FAM222A: variants seen among roughly 807,000 people sequenced by gnomAD.
FAM222A encodes family with sequence similarity 222 member A, also known as protein FAM222A.
In FAM222A, 7 loss-of-function variants were observed where a neutral mutation model predicts 25.8. The ratio of observed to expected loss-of-function variants is 0.27; its 90% CI spans 0.15 to 0.51. The LOEUF (loss-of-function observed/expected upper bound fraction) is 0.51, where lower values mean the gene tolerates loss of function less well. Among genes scored for constraint, FAM222A ranks in the 20% least tolerant of loss-of-function variants. FAM222A has a pLI of 0.97. For missense variants in FAM222A, 573 were observed against 640.5 expected (o/e 0.89, Z 1.14); for synonymous variants, 294 against 298.8 (o/e 0.98, Z 0.17).
At chr12:109,744,026 A>C (rs958873707) in intron 1 of FAM222A, 75 bp from the exon 2 acceptor site, 33 of 1,442,364 alleles carry the variant, frequency 2.3e-5, no homozygotes, top group African/African-American at 4.3e-5. Context: ...TTGCAGGGAG[A>C]CTCCCGGGGG....
intron 2 of FAM222A, among the ~76,000 whole-genome samples, chr12:109,759,971 G>C (rs734152): frequency 0.16 from 23,659 of 152,220 alleles, 2,033 homozygotes; most frequent in East Asian, 0.31. Context: ...GGTCCTACGA[G>C]GGCACGTCAG....
chr12:109,736,583 C>T (rs919326403), intron 1 of FAM222A, among the ~76,000 whole-genome samples: 2 of 152,198 alleles, frequency 1.3e-5, no homozygotes, highest in African/African-American at 4.8e-5. Flanking sequence ...ATGGCCACCG[C>T]TTGTCTCCCT....
At chr12:109,722,860 A>G (rs1455021309) in intron 1 of FAM222A, 2 of 152,226 alleles carry the variant, frequency 1.3e-5, no homozygotes, top group Non-Finnish European at 2.9e-5. Flanking sequence ...AGTTCACAGC[A>G]GTGGCGCTTT....
chr12:109,754,384 AAAG>A (rs1888650586), intron 2 of FAM222A, among the ~76,000 whole-genome samples: 1 of 152,234 alleles, frequency 6.6e-6, no homozygotes, highest in Admixed American at 6.5e-5. Flanking sequence ...AAGAAAAAAA[AAAG>A]AAAACCCAAG....
chr12:109,720,163 C>T, intron 1 of FAM222A: 3 of 985,464 alleles, frequency 3.0e-6, no homozygotes, highest in Non-Finnish European at 3.6e-6. Flanking sequence ...AGCAAGCCAG[C>T]ATCCCAGCCG....
chr12:109,767,083 T>TC (rs1889075180), intron 2 of FAM222A, among the ~76,000 whole-genome samples: 1 of 148,278 alleles, frequency 6.7e-6, no homozygotes, highest in Non-Finnish European at 1.5e-5. Context: ...TTTTTTTTTT[T>TC]TTTCTTATAA....
intron 1 of FAM222A, among the ~76,000 whole-genome samples, chr12:109,726,522 C>T (rs1183197170): frequency 6.6e-6 from 1 of 152,216 alleles, no homozygotes. Context: ...GCACCCACCC[C>T]GGGCAGCCAT....
At chr12:109,731,947 C>G (rs1887956608) in intron 1 of FAM222A, among the ~76,000 whole-genome samples, 1 of 152,204 alleles carries the variant, frequency 6.6e-6, no homozygotes, top group Non-Finnish European at 1.5e-5. Flanking sequence ...TAGAAAGAGA[C>G]CAGCGAAGGG....
intron 2 of FAM222A, among the ~76,000 whole-genome samples, chr12:109,765,554 T>G (rs1273347698): frequency 2.0e-5 from 3 of 152,256 alleles, no homozygotes; most frequent in African/African-American, 7.2e-5. Flanking sequence ...TCCCTCCCTT[T>G]TCACCTCTTC....
intron 2 of FAM222A, among the ~76,000 whole-genome samples, chr12:109,754,338 A>G (rs915061690): frequency 6.6e-6 from 1 of 152,216 alleles, no homozygotes; most frequent in Non-Finnish European, 1.5e-5. Context: ...CCAAGAGATC[A>G]GCCTGGCCAA....
At chr12:109,752,134 C>T (rs1488122888) in intron 2 of FAM222A, among the ~76,000 whole-genome samples, 1 of 152,212 alleles carries the variant, frequency 6.6e-6, no homozygotes, top group Non-Finnish European at 1.5e-5. Flanking sequence ...ACTCCCTGCC[C>T]TCTGCTACCA....
intron 1 of FAM222A, among the ~76,000 whole-genome samples, chr12:109,725,366 C>A (rs926888802): frequency 1.2e-4 from 19 of 152,092 alleles, no homozygotes; most frequent in African/African-American, 3.9e-4. Flanking sequence ...CCGAGGTCAC[C>A]GAGGTACTCC....
intron 2 of FAM222A, among the ~76,000 whole-genome samples, chr12:109,752,033 A>G (rs913753158): frequency 6.6e-6 from 1 of 152,188 alleles, no homozygotes; most frequent in Non-Finnish European, 1.5e-5. Flanking sequence ...ATCTTTGTAC[A>G]TGTGCATCTG....
At chr12:109,766,412 C>A (rs1889051707) in intron 2 of FAM222A, among the ~76,000 whole-genome samples, 1 of 152,238 alleles carries the variant, frequency 6.6e-6, no homozygotes, top group African/African-American at 2.4e-5. Flanking sequence ...CAGAGCGTAC[C>A]CTTCAGCCCC....
intron 2 of FAM222A, chr12:109,744,700 T>C (rs1472721392): frequency 1.0e-6 from 1 of 985,354 alleles, no homozygotes; most frequent in East Asian, 1.1e-4. Flanking sequence ...CAGGGGTCTG[T>C]TCTCACTATC....
intron 1 of FAM222A, among the ~76,000 whole-genome samples, chr12:109,737,446 G>A (rs1377075313): frequency 2.6e-5 from 4 of 152,110 alleles, no homozygotes; most frequent in African/African-American, 9.7e-5. Context: ...AAACCAAAGA[G>A]CCAGGTATGC....
chr12:109,731,466 C>T (rs971793013), intron 1 of FAM222A, among the ~76,000 whole-genome samples: 2 of 152,186 alleles, frequency 1.3e-5, no homozygotes, highest in African/African-American at 4.8e-5. Context: ...AGCCTCTGCC[C>T]CTGCTGGAGA....
At chr12:109,740,209 C>G (rs1888200837) in intron 1 of FAM222A, among the ~76,000 whole-genome samples, 1 of 152,168 alleles carries the variant, frequency 6.6e-6, no homozygotes, top group Non-Finnish European at 1.5e-5. Context: ...TTTCCTTTAT[C>G]TAAATCCTCA....
intron 1 of FAM222A, among the ~76,000 whole-genome samples, chr12:109,736,450 G>A (rs1888088663): frequency 6.6e-6 from 1 of 152,218 alleles, no homozygotes; most frequent in Non-Finnish European, 1.5e-5. Flanking sequence ...AGCTCACAGA[G>A]TTAGGGTGTA....
Sources: gnomAD v4.1 joint callset for allele counts (sites outside exome capture counted in the v4.1 genomes callset) on GRCh38, gnomAD v4.1.1 for gene constraint, MANE v1.5 for transcripts, NCBI Gene and HGNC (gene_info 2026-07-23, HGNC 2026-07-21) for gene names.